SNTG1: variants seen among roughly 807,000 people sequenced by gnomAD.
The protein encoded by SNTG1 is syntrophin gamma 1.
A neutral mutation model predicts 74.7 loss-of-function variants in SNTG1; 39 were observed. The ratio of observed to expected loss-of-function variants is 0.52; its 90% CI spans 0.40 to 0.68. The LOEUF (loss-of-function observed/expected upper bound fraction) is 0.68. Ranked by LOEUF, SNTG1 falls within the 30% of genes least tolerant of loss-of-function variation. SNTG1 has a pLI of 0.00. For missense variants in SNTG1, 685 were observed against 609.5 expected (o/e 1.12, Z -1.30); for synonymous variants, 254 against 217.1 (o/e 1.17, Z -1.49).
At chr8:50,300,617 A>C (rs887736450) in intron 2 of SNTG1, among the ~76,000 whole-genome samples, 1 of 150,284 alleles carries the variant, frequency 6.7e-6, no homozygotes, top group Admixed American at 6.6e-5. Flanking sequence ...TGGAAGAAAA[A>C]ATTAAAAAAC....
intron 13 of SNTG1, among the ~76,000 whole-genome samples, chr8:50,596,974 G>A (rs984309458): frequency 1.3e-5 from 2 of 151,826 alleles, no homozygotes; most frequent in African/African-American, 2.4e-5. Context: ...GTTATTTGCT[G>A]TAGTTACCCT....
At chr8:50,113,167 T>A (rs2080671918) in intron 1 of SNTG1, among the ~76,000 whole-genome samples, 1 of 152,280 alleles carries the variant, frequency 6.6e-6, no homozygotes, top group African/African-American at 2.4e-5. Context: ...GGGGATGGCA[T>A]TGAATCTATA....
intron 12 of SNTG1, among the ~76,000 whole-genome samples, chr8:50,574,408 G>A (rs2094565520): frequency 2.0e-5 from 3 of 151,996 alleles, no homozygotes; most frequent in Admixed American, 2.0e-4. Context: ...TTTTTTAAAC[G>A]TGTGCCTTAA....
At chr8:50,786,367 T>C (rs1221926119) in intron 18 of SNTG1, among the ~76,000 whole-genome samples, 2 of 151,938 alleles carry the variant, frequency 1.3e-5, no homozygotes, top group African/African-American at 4.8e-5. Flanking sequence ...TTCAAGAAGA[T>C]TTAAATAAGG....
chr8:50,426,751 TACTC>T (rs1053589615), intron 4 of SNTG1, among the ~76,000 whole-genome samples: 10 of 152,164 alleles, frequency 6.6e-5, no homozygotes, highest in East Asian at 3.9e-4. Context: ...ACTCACCACT[TACTC>T]ACTGCCTCAC....
intron 2 of SNTG1, among the ~76,000 whole-genome samples, chr8:50,276,039 T>A (rs2088080773): frequency 2.0e-5 from 3 of 152,206 alleles, no homozygotes; most frequent in Non-Finnish European, 2.9e-5. Flanking sequence ...TTATTTTACT[T>A]CTGCTAAATT....
At chr8:50,241,888 C>G (rs1326917089) in intron 2 of SNTG1, among the ~76,000 whole-genome samples, 1 of 152,052 alleles carries the variant, frequency 6.6e-6, no homozygotes, top group Admixed American at 6.6e-5. Flanking sequence ...CCAGCACTAA[C>G]ATATCAGTCT....
At chr8:50,632,643 A>G (rs1326639078) in intron 13 of SNTG1, among the ~76,000 whole-genome samples, 1 of 152,198 alleles carries the variant, frequency 6.6e-6, no homozygotes, top group Non-Finnish European at 1.5e-5. Flanking sequence ...GTTAAGAAAA[A>G]TATATTTTAT....
At chr8:50,725,316 CTTCTTATCAACT>C (rs2095497420) in intron 17 of SNTG1, among the ~76,000 whole-genome samples, 1 of 152,136 alleles carries the variant, frequency 6.6e-6, no homozygotes, top group Admixed American at 6.6e-5. Context: ...CAATTGCATA[CTTCTTATCAACT>C]TTATGATATA....
intron 17 of SNTG1, among the ~76,000 whole-genome samples, chr8:50,738,303 T>C (rs184843147): frequency 7.2e-5 from 11 of 152,248 alleles, no homozygotes; most frequent in Admixed American, 7.2e-4. Flanking sequence ...TGAAATTTTA[T>C]TCACAATTGC....
intron 2 of SNTG1, among the ~76,000 whole-genome samples, chr8:50,350,318 G>T (rs552616929): frequency 3.9e-5 from 6 of 152,198 alleles, no homozygotes; most frequent in Admixed American, 1.3e-4. Flanking sequence ...CACTGCAGGG[G>T]ACTGGCAGGC....
chr8:50,063,434 G>A (rs1257217382), intron 1 of SNTG1, among the ~76,000 whole-genome samples: 2 of 152,142 alleles, frequency 1.3e-5, no homozygotes, highest in South Asian at 2.1e-4. Flanking sequence ...AAAGAAATGA[G>A]ATGACTCAAG....
chr8:50,306,835 T>G (rs1354276946), intron 2 of SNTG1, among the ~76,000 whole-genome samples: 1 of 152,110 alleles, frequency 6.6e-6, no homozygotes, highest in Non-Finnish European at 1.5e-5. Context: ...TTCTGTGGGT[T>G]ATCTCTTTAT....
intron 15 of SNTG1, among the ~76,000 whole-genome samples, chr8:50,690,028 A>G (rs897046562): frequency 6.6e-6 from 1 of 152,082 alleles, no homozygotes; most frequent in Non-Finnish European, 1.5e-5. Context: ...TTTCTGATTT[A>G]TTTGCATAGA....
At chr8:50,266,330 A>G (rs978761423) in intron 2 of SNTG1, among the ~76,000 whole-genome samples, 5 of 152,156 alleles carry the variant, frequency 3.3e-5, no homozygotes, top group African/African-American at 1.2e-4. Context: ...GAGAGAATTC[A>G]GTAGAAAAAT....
intron 15 of SNTG1, among the ~76,000 whole-genome samples, chr8:50,663,589 C>A (rs569243189): frequency 6.6e-6 from 1 of 152,216 alleles, no homozygotes; most frequent in Admixed American, 6.5e-5. Flanking sequence ...CTAGCCTGAG[C>A]TGTAACTCCC....
At chr8:50,362,412 A>G (rs1051021757) in intron 2 of SNTG1, among the ~76,000 whole-genome samples, 6 of 152,182 alleles carry the variant, frequency 3.9e-5, no homozygotes, top group Admixed American at 6.5e-5. Context: ...AAGTCTTCTA[A>G]TGAGGGAAGG....
At chr8:50,251,692 A>G (rs780862204) in intron 2 of SNTG1, among the ~76,000 whole-genome samples, 1 of 152,088 alleles carries the variant, frequency 6.6e-6, no homozygotes, top group Non-Finnish European at 1.5e-5. Context: ...ATGAATATGT[A>G]TGCACCCAAA....
intron 12 of SNTG1, 80 bp downstream of exon 12, chr8:50,553,259 C>CA: frequency 6.5e-7 from 1 of 1,536,102 alleles, no homozygotes; most frequent in Non-Finnish European, 8.9e-7. Flanking sequence ...AACTTCACAT[C>CA]AACTGTTTGG....
Sources: allele counts gnomAD v4.1 joint callset (sites outside exome capture counted in the v4.1 genomes callset), GRCh38; gene constraint gnomAD v4.1.1; transcripts MANE v1.5; gene names NCBI Gene and HGNC (gene_info 2026-07-23, HGNC 2026-07-21).